MCC: variants seen among roughly 807,000 people sequenced by gnomAD.
MCC encodes MCC regulator of Wnt signaling pathway, also known as colorectal mutant cancer protein.
Under a neutral mutation model 116.2 loss-of-function variants are expected in MCC, and 90 were observed. The ratio of observed to expected loss-of-function variants is 0.77; its 90% CI spans 0.65 to 0.92. MCC has a LOEUF of 0.92. Among genes scored for constraint, MCC ranks in the 40% least tolerant of loss-of-function variants. MCC has a pLI of 0.00. For missense variants in MCC, 1,516 were observed against 1,312.2 expected (o/e 1.16, Z -2.40); for synonymous variants, 578 against 510.5 (o/e 1.13, Z -1.78).
At chr5:113,451,031 CT>C (rs1580392112) in intron 1 of MCC, among the ~76,000 whole-genome samples, 1 of 152,102 alleles carries the variant, frequency 6.6e-6, no homozygotes, top group East Asian at 1.9e-4. Context: ...TGCATCTTTC[CT>C]TTTCCACAAT....
At chr5:113,123,950 G>A (rs929527577) in intron 5 of MCC, among the ~76,000 whole-genome samples, 3 of 152,312 alleles carry the variant, frequency 2.0e-5, no homozygotes, top group Non-Finnish European at 2.9e-5. Context: ...CCAAAATGAT[G>A]AGTGGCGATC....
chr5:113,152,459 G>A (rs1759939793), intron 3 of MCC, among the ~76,000 whole-genome samples: 1 of 152,202 alleles, frequency 6.6e-6, no homozygotes, highest in Non-Finnish European at 1.5e-5. Context: ...ACTGGAATTA[G>A]AACAAACCAA....
At chr5:113,268,274 T>G (rs544755890) in intron 3 of MCC, among the ~76,000 whole-genome samples, 40 of 152,348 alleles carry the variant, frequency 2.6e-4, no homozygotes, top group African/African-American at 8.7e-4. Context: ...CTGAGGTCCC[T>G]CAAGGGTCCA....
In MCC at chr5:113,104,367, T is replaced by C. The variant is rs1420865301; in HGVS notation, c.1028-12A>G. 6.3e-7 allele frequency: 1 copy of C among 1,597,692 alleles called. No homozygotes were observed. The highest frequency in any genetic ancestry group is 1.7e-5 in the Admixed American group (1 of 58,766). ...GTCACTGCAGTTGTCTGTGAGTGAATGAAGACAAAATGCGTTACACAGGGC... is the reference window on the plus strand; with the variant it reads ...GTCACTGCAGTTGTCTGTGAGTGAACGAAGACAAAATGCGTTACACAGGGC... On this transcript the variant is annotated splice_polypyrimidine_tract_variant and intron_variant, in intron 6 of 18. Transcript: ENST00000408903.
intron 1 of MCC, among the ~76,000 whole-genome samples, chr5:113,439,865 C>T (rs1455391771): frequency 2.0e-5 from 3 of 152,124 alleles, no homozygotes; most frequent in African/African-American, 7.2e-5. Context: ...TATTAATGGT[C>T]ATTTTATTTT....
chr5:113,299,863 G>A (rs1766816773), intron 3 of MCC, among the ~76,000 whole-genome samples: 1 of 152,216 alleles, frequency 6.6e-6, no homozygotes. Flanking sequence ...TCAGGCAATA[G>A]CCTGGTGCTT....
chr5:113,411,198 G>T (rs1769981282), intron 1 of MCC, among the ~76,000 whole-genome samples: 1 of 151,222 alleles, frequency 6.6e-6, no homozygotes, highest in African/African-American at 2.4e-5. Flanking sequence ...TTCCACAATG[G>T]TTGAACTATT....
At chr5:113,172,122 C>G (rs116605993) in intron 3 of MCC, among the ~76,000 whole-genome samples, 1 of 152,126 alleles carries the variant, frequency 6.6e-6, no homozygotes, top group Non-Finnish European at 1.5e-5. Flanking sequence ...GAGACACATA[C>G]CAATGGACAG....
chr5:113,046,945 C>G (rs1752132869), intron 16 of MCC, among the ~76,000 whole-genome samples: 1 of 152,114 alleles, frequency 6.6e-6, no homozygotes, highest in Non-Finnish European at 1.5e-5. Context: ...GCACGGCCCT[C>G]AAGATAACTC....
chr5:113,167,190 G>A (rs1025550628), intron 3 of MCC, among the ~76,000 whole-genome samples: 3 of 152,124 alleles, frequency 2.0e-5, no homozygotes, highest in Non-Finnish European at 4.4e-5. Flanking sequence ...CAATTATGGA[G>A]GGCATTTCTT....
intron 3 of MCC, among the ~76,000 whole-genome samples, chr5:113,218,445 C>A (rs1456038435): frequency 6.6e-6 from 1 of 152,120 alleles, no homozygotes; most frequent in East Asian, 1.9e-4. Flanking sequence ...CTGACATTAC[C>A]GCCCGCTCAA....
chr5:113,086,715 C>T (rs781696991), intron 8 of MCC, among the ~76,000 whole-genome samples: 21 of 151,076 alleles, frequency 1.4e-4, no homozygotes, highest in Non-Finnish European at 2.4e-4. Flanking sequence ...AGTGCAGTGT[C>T]TACCTGAAAG....
chr5:113,375,022 T>C (rs1768947932), intron 2 of MCC, among the ~76,000 whole-genome samples: 1 of 148,688 alleles, frequency 6.7e-6, no homozygotes, highest in South Asian at 2.1e-4. Flanking sequence ...AGATGCACCA[T>C]GTTTGTCTTG....
At position 113,064,082 on chromosome 5, in the gene MCC, G is replaced by A. The variant is rs914382550; in HGVS notation, c.2115C>T (p.Ala705=). Residue 705 remains alanine (A), a synonymous_variant, in exon 14 of 19, where the codon GCC becomes GCT. Transcript: ENST00000408903. ...CRKTAENAAK[A]LLMKLDGSCG... ...AGCTGCCGTCCAGCTTCATGAGCAG[G>A]GCCTTGGCAGCGTTCTCAGCTGTCT... 5.6e-6 allele frequency: 9 copies of A among 1,614,232 alleles called. No homozygotes were observed. In the Admixed American group the frequency reaches 8.3e-5, roughly 15 times the overall value.
At chr5:113,096,336 G>A (rs1756014777) in intron 8 of MCC, among the ~76,000 whole-genome samples, 1 of 152,186 alleles carries the variant, frequency 6.6e-6, no homozygotes, top group South Asian at 2.1e-4. Flanking sequence ...ATGTGGGGGA[G>A]TGTGCCAGGG....
At chr5:113,158,046 G>A (rs1368172995) in intron 3 of MCC, among the ~76,000 whole-genome samples, 4 of 152,200 alleles carry the variant, frequency 2.6e-5, no homozygotes, top group African/African-American at 9.6e-5. Flanking sequence ...AAAGGAAGGA[G>A]CCCTTCCCCA....
intron 1 of MCC, among the ~76,000 whole-genome samples, chr5:113,451,193 A>G (rs1176911859): frequency 2.0e-5 from 3 of 152,234 alleles, no homozygotes; most frequent in East Asian, 1.9e-4. Flanking sequence ...CCCTTTCACT[A>G]CTTCTTCACA....
chr5:113,379,659 A>G (rs972933441), intron 2 of MCC, among the ~76,000 whole-genome samples: 1 of 152,214 alleles, frequency 6.6e-6, no homozygotes, highest in African/African-American at 2.4e-5. Flanking sequence ...CAAGTATTAA[A>G]TTGTATAGCT....
intron 3 of MCC, among the ~76,000 whole-genome samples, chr5:113,299,391 T>C (rs931303457): frequency 8.1e-5 from 12 of 148,834 alleles, no homozygotes; most frequent in African/African-American, 3.0e-4. Flanking sequence ...GGTTTTCTTA[T>C]AATGTAAAAT....
Sources: allele counts gnomAD v4.1 joint callset (sites outside exome capture counted in the v4.1 genomes callset), GRCh38; gene constraint gnomAD v4.1.1; transcripts MANE v1.5; gene names NCBI Gene and HGNC (gene_info 2026-07-23, HGNC 2026-07-21).